PLXNA4: variants seen among roughly 807,000 people sequenced by gnomAD.
PLXNA4 encodes plexin A4.
PLXNA4 carries 44 observed loss-of-function variants against 191.8 expected under a neutral mutation model. The observed-to-expected ratio is 0.23, with a 90% CI of 0.18 to 0.29. The LOEUF (loss-of-function observed/expected upper bound fraction) is 0.29, where lower values mean the gene tolerates loss of function less well. Among genes scored for constraint, PLXNA4 ranks in the 10% least tolerant of loss-of-function variants. PLXNA4 has a pLI of 1.00. For missense variants in PLXNA4, 1,800 were observed against 2,488.8 expected, an observed-to-expected ratio of 0.72 and a Z score of 5.89; for synonymous variants, 1,082 against 1,009.5, an observed-to-expected ratio of 1.07 and a Z score of -1.36.
intron 3 of PLXNA4, among the ~76,000 whole-genome samples, chr7:132,395,458 C>T (rs1793716458): frequency 6.6e-6 from 1 of 152,128 alleles, no homozygotes; most frequent in Non-Finnish European, 1.5e-5. Context: ...AGGGTGTCGG[C>T]CAGATAAATT....
chr7:132,176,773 AGTGT>A (rs904401589), intron 20 of PLXNA4, among the ~76,000 whole-genome samples: 2 of 151,030 alleles, frequency 1.3e-5, no homozygotes, highest in African/African-American at 2.4e-5. Flanking sequence ...TGAGTGCATG[AGTGT>A]GTGTGTATGC....
In PLXNA4 at chr7:132,475,763, A is replaced by T. The variant is rs983385740; in HGVS notation, c.1371+13529T>A. 2.6e-5 allele frequency among the ~76,000 whole-genome samples: 4 copies of T among 152,208 alleles called. 1 individual carries two copies. Among genetic ancestry groups the T allele is most frequent in the Admixed American group, 2.6e-4 (4 of 15,288 alleles). On this transcript the variant is annotated intron_variant, in intron 3 of 31. Transcript: ENST00000321063. ...AGGCAGATGCAAGGAGCACTTAAAA[A>T]AAAGCAACCGGGAGACTGATTCCCC...
chr7:132,136,255 A>G (rs1490526552), intron 30 of PLXNA4, among the ~76,000 whole-genome samples: 1 of 152,200 alleles, frequency 6.6e-6, no homozygotes, highest in Non-Finnish European at 1.5e-5. Flanking sequence ...CTTACTGATC[A>G]GGAAGAACAC....
intron 3 of PLXNA4, among the ~76,000 whole-genome samples, chr7:132,333,753 C>T (rs1802691783): frequency 6.6e-6 from 1 of 152,134 alleles, no homozygotes; most frequent in African/African-American, 2.4e-5. Context: ...AAATCAGCTC[C>T]GGGCCCCACT....
At chr7:132,468,414 C>T (rs189513888) in intron 3 of PLXNA4, among the ~76,000 whole-genome samples, 2 of 152,204 alleles carry the variant, frequency 1.3e-5, no homozygotes, top group Admixed American at 1.3e-4. Context: ...AATGTTATTA[C>T]CTTGCACACT....
chr7:132,558,664 C>T (rs942313704), intron 1 of PLXNA4, among the ~76,000 whole-genome samples: 2 of 152,206 alleles, frequency 1.3e-5, no homozygotes, highest in African/African-American at 2.4e-5. Flanking sequence ...CCTCCACACC[C>T]CCAACAATCG....
chr7:132,259,168 T>A (rs1799532897), intron 4 of PLXNA4, among the ~76,000 whole-genome samples: 1 of 151,958 alleles, frequency 6.6e-6, no homozygotes, highest in South Asian at 2.1e-4. Context: ...ATACCCTAAA[T>A]GAATAGCACA....
At chr7:132,624,233 C>T (rs757970741) in intron 2 of PLXNA4, among the ~76,000 whole-genome samples, 8 of 152,194 alleles carry the variant, frequency 5.3e-5, no homozygotes, top group Non-Finnish European at 1.0e-4. Context: ...ATCCTACCCT[C>T]ACTGCTGAGA....
intron 1 of PLXNA4, among the ~76,000 whole-genome samples, chr7:132,521,193 AAAAAAAAAAT>A (rs1799166824): frequency 1.3e-5 from 2 of 151,550 alleles, no homozygotes; most frequent in Non-Finnish European, 1.5e-5. Flanking sequence ...AAAAAAAAAA[AAAAAAAAAAT>A]TCAGAATGAC....
At chr7:132,183,264 C>T (rs547627913) in intron 16 of PLXNA4, among the ~76,000 whole-genome samples, 2 of 152,346 alleles carry the variant, frequency 1.3e-5, no homozygotes, top group South Asian at 4.1e-4. Flanking sequence ...CTCGGAGAGG[C>T]TCTTGCACAT....
chr7:132,220,683 C>T (rs964862053), intron 9 of PLXNA4, among the ~76,000 whole-genome samples: 4 of 152,028 alleles, frequency 2.6e-5, no homozygotes, highest in Admixed American at 2.0e-4. Context: ...GAATCCCCAG[C>T]AGTCTTTGCT....
intron 3 of PLXNA4, among the ~76,000 whole-genome samples, chr7:132,321,323 T>G (rs1043710215): frequency 1.3e-5 from 2 of 151,814 alleles, no homozygotes; most frequent in Non-Finnish European, 2.9e-5. Flanking sequence ...TGTGTGAATG[T>G]AAGATCTACA....
intron 3 of PLXNA4, among the ~76,000 whole-genome samples, chr7:132,398,563 C>T (rs974697154): frequency 6.6e-6 from 1 of 152,208 alleles, no homozygotes; most frequent in Non-Finnish European, 1.5e-5. Context: ...AACCACCCTC[C>T]TGGGCTGGCC....
Position 132,440,099 on chromosome 7 carries a change from G to C in PLXNA4, c.1371+49193C>G, listed in dbSNP as rs192709839. Among the ~76,000 whole-genome samples, 578 of 152,098 alleles carry C rather than the reference G, an allele frequency of 3.8e-3. 2 individuals are homozygous for C. The highest frequency in any genetic ancestry group is 6.0e-3 in the Non-Finnish European group (409 of 67,998). On this transcript the variant is annotated intron_variant, in intron 3 of 31. Transcript: ENST00000321063. ...CATAATAGGGTCAATTACATTCTCC[G>C]ATTTCCCCACAAGTGAGGCAACAAA...
chr7:132,478,791 G>A (rs1474697071), intron 3 of PLXNA4, among the ~76,000 whole-genome samples: 2 of 152,024 alleles, frequency 1.3e-5, no homozygotes, highest in Non-Finnish European at 2.9e-5. Flanking sequence ...TGGCCTCTCA[G>A]GTCCAACAAT....
intron 3 of PLXNA4, among the ~76,000 whole-genome samples, chr7:132,364,466 G>A (rs957863137): frequency 1.3e-5 from 2 of 152,134 alleles, no homozygotes; most frequent in African/African-American, 2.4e-5. Context: ...GACATTAAGA[G>A]GTTGCGCTGC....
intron 3 of PLXNA4, among the ~76,000 whole-genome samples, chr7:132,434,110 C>T (rs1050082162): frequency 6.6e-6 from 1 of 152,218 alleles, no homozygotes; most frequent in African/African-American, 2.4e-5. Context: ...GGACGCTTCC[C>T]GCCTTTGGTT....
intron 3 of PLXNA4, among the ~76,000 whole-genome samples, chr7:132,380,053 C>A (rs961344925): frequency 2.0e-5 from 3 of 152,166 alleles, no homozygotes; most frequent in Admixed American, 6.5e-5. Context: ...CATTTTATAT[C>A]AGTGTTGGCT....
At chr7:132,547,024 T>G (rs144374922) in intron 1 of PLXNA4, among the ~76,000 whole-genome samples, 1 of 152,350 alleles carries the variant, frequency 6.6e-6, no homozygotes, top group African/African-American at 2.4e-5. Flanking sequence ...TACATCTATG[T>G]TTTAAATACT....
Sources: allele counts gnomAD v4.1 joint callset (sites outside exome capture counted in the v4.1 genomes callset), GRCh38; gene constraint gnomAD v4.1.1; transcripts MANE v1.5; gene names NCBI Gene and HGNC (gene_info 2026-07-23, HGNC 2026-07-21).